The following RPS6KC1 variants were observed in gnomAD, a reference collection of about 807,000 sequenced individuals.
The protein encoded by RPS6KC1 is inactive ribosomal protein S6 kinase delta-1.
In RPS6KC1, 54 loss-of-function variants were observed where a neutral mutation model predicts 103.8. The observed-to-expected ratio is 0.52, with a 90% confidence interval of 0.42 to 0.65. The LOEUF (loss-of-function observed/expected upper bound fraction) is 0.65. Among genes scored for constraint, RPS6KC1 ranks in the 30% least tolerant of loss-of-function variants. The pLI is 0.00. For synonymous variants in RPS6KC1, 439 were observed against 438.7 expected (o/e 1.00, Z -0.01); for missense variants, 1,151 against 1,253.8 (o/e 0.92, Z 1.24).
the RPS6KC1 span, among the ~76,000 whole-genome samples, chr1:213,759,225 T>TA: frequency 4.4e-5 from 3 of 68,716 alleles, no homozygotes; most frequent in African/African-American, 1.2e-4. Flanking sequence ...TCATTAGCAG[T>TA]TTTTTTTTAT....
At chr1:213,293,707 C>T in the RPS6KC1 span, among the ~76,000 whole-genome samples, 4 of 152,088 alleles carry the variant, frequency 2.6e-5, no homozygotes, top group Admixed American at 2.6e-4. Context: ...AACTGTACCC[C>T]AGGTGACTCA....
At chr1:213,683,416 C>T in the RPS6KC1 span, among the ~76,000 whole-genome samples, 1 of 152,182 alleles carries the variant, frequency 6.6e-6, no homozygotes. Flanking sequence ...AACACACCTA[C>T]CAACCCTCTG....
At chr1:213,242,854 G>A (rs4411110) in intron 12 of RPS6KC1, among the ~76,000 whole-genome samples, 196 bp downstream of exon 12, 149,149 of 152,288 alleles carry the variant, frequency 0.98, 73,113 homozygotes, top group East Asian at 1. Context: ...GTGTATATAT[G>A]TATGTGTGTC....
At chr1:213,349,853 A>G in the RPS6KC1 span, among the ~76,000 whole-genome samples, 1 of 152,238 alleles carries the variant, frequency 6.6e-6, no homozygotes, top group Admixed American at 6.5e-5. Context: ...CATGCACTAA[A>G]GAGTGGAATT....
chr1:213,470,611 ATTTTTT>A, the RPS6KC1 span, among the ~76,000 whole-genome samples: 1 of 99,806 alleles, frequency 1.0e-5, no homozygotes, highest in Non-Finnish European at 2.0e-5. Context: ...TTTATTCTTA[ATTTTTT>A]TTTTTTTTTT....
At chr1:213,660,210 A>T in the RPS6KC1 span, among the ~76,000 whole-genome samples, 1 of 152,216 alleles carries the variant, frequency 6.6e-6, no homozygotes, top group Non-Finnish European at 1.5e-5. Flanking sequence ...TGTTTAGATA[A>T]TTCTTTTAGT....
the RPS6KC1 span, among the ~76,000 whole-genome samples, chr1:213,389,541 G>C: frequency 7.9e-5 from 12 of 152,308 alleles, no homozygotes; most frequent in African/African-American, 2.6e-4. Context: ...TCTCGCGTCT[G>C]CATCCGCGTG....
chr1:213,437,532 G>A, the RPS6KC1 span, among the ~76,000 whole-genome samples: 1 of 152,038 alleles, frequency 6.6e-6, no homozygotes, highest in African/African-American at 2.4e-5. Flanking sequence ...GCTTCAAAAA[G>A]TTGATGTAAG....
chr1:213,354,245 C>T, the RPS6KC1 span, among the ~76,000 whole-genome samples: 75,927 of 152,082 alleles, frequency 0.5, 22,681 homozygotes, highest in Non-Finnish European at 0.66. Context: ...CTTAGCATCA[C>T]CTGGCACCAT....
At chr1:213,708,107 A>G in the RPS6KC1 span, among the ~76,000 whole-genome samples, 5 of 152,224 alleles carry the variant, frequency 3.3e-5, no homozygotes, top group African/African-American at 1.2e-4. Context: ...TAGGAATGGC[A>G]TTGAATTTCT....
the RPS6KC1 span, among the ~76,000 whole-genome samples, chr1:213,601,433 T>C: frequency 1.4e-5 from 2 of 148,046 alleles, no homozygotes; most frequent in African/African-American, 4.9e-5. Context: ...TATATATTCA[T>C]AAATATATAT....
the RPS6KC1 span, among the ~76,000 whole-genome samples, chr1:213,357,838 T>C: frequency 6.6e-6 from 1 of 152,226 alleles, no homozygotes; most frequent in African/African-American, 2.4e-5. Context: ...ACAACCTGGC[T>C]GGCTCTTGTG....
At chr1:213,342,485 G>A in the RPS6KC1 span, among the ~76,000 whole-genome samples, 971 of 152,306 alleles carry the variant, frequency 6.4e-3, 5 homozygotes, top group Non-Finnish European at 0.011. Context: ...GTCTGGAATA[G>A]GAAAGGGCTC....
intron 5 of RPS6KC1, among the ~76,000 whole-genome samples, chr1:213,129,025 G>A (rs974937821): frequency 6.6e-6 from 1 of 152,094 alleles, no homozygotes; most frequent in Non-Finnish European, 1.5e-5. Flanking sequence ...GCTGGGCTTG[G>A]TGGCTCATGC....
chr1:213,298,484 AC>A, the RPS6KC1 span, among the ~76,000 whole-genome samples: 5 of 150,756 alleles, frequency 3.3e-5, no homozygotes, highest in Admixed American at 1.3e-4. Context: ...CAACCTGGAA[AC>A]TCATGTTCTT....
At chr1:213,418,571 G>A in the RPS6KC1 span, among the ~76,000 whole-genome samples, 53 of 152,120 alleles carry the variant, frequency 3.5e-4, no homozygotes, top group Admixed American at 3.2e-3. Context: ...GGTGAAGTTC[G>A]CCATATGGAG....
the RPS6KC1 span, among the ~76,000 whole-genome samples, chr1:213,815,116 T>C: frequency 6.6e-6 from 1 of 152,168 alleles, no homozygotes; most frequent in Non-Finnish European, 1.5e-5. Flanking sequence ...GAGTGAGTTC[T>C]CATAAGACCT....
chr1:213,366,231 A>C, the RPS6KC1 span, among the ~76,000 whole-genome samples: 1 of 151,106 alleles, frequency 6.6e-6, no homozygotes, highest in Admixed American at 6.6e-5. Context: ...ACTGGATGAC[A>C]TTTTCTCATC....
At chr1:213,688,255 C>T in the RPS6KC1 span, among the ~76,000 whole-genome samples, 3 of 152,170 alleles carry the variant, frequency 2.0e-5, no homozygotes, top group African/African-American at 7.2e-5. Flanking sequence ...TCTCCCCAAG[C>T]TCAATTCAAG....
Sources: gnomAD v4.1 joint callset for allele counts (sites outside exome capture counted in the v4.1 genomes callset) on GRCh38, gnomAD v4.1.1 for gene constraint, MANE v1.5 for transcripts, NCBI Gene and HGNC (gene_info 2026-07-23, HGNC 2026-07-21) for gene names.